IFT80: variants seen among roughly 807,000 people sequenced by gnomAD.
IFT80 encodes the protein intraflagellar transport protein 80 homolog.
A neutral mutation model predicts 107.9 loss-of-function variants in IFT80; 79 were observed. The observed-to-expected ratio is 0.73, with a 90% CI of 0.61 to 0.88. The LOEUF (loss-of-function observed/expected upper bound fraction) is 0.88, where lower values mean the gene tolerates loss of function less well. Among genes scored for constraint, IFT80 ranks in the 40% least tolerant of loss-of-function variants. The probability of loss-of-function intolerance (pLI) is 0.00; values close to 1 mark genes in which losing one functional copy is unlikely to be tolerated. For synonymous variants in IFT80, 299 were observed against 300.9 expected, an observed-to-expected ratio of 0.99 and a Z score of 0.07; for missense variants, 797 against 914.2, an observed-to-expected ratio of 0.87 and a Z score of 1.65.
intron 9 of IFT80, among the ~76,000 whole-genome samples, chr3:160,309,721 T>C (rs557818852): frequency 5.0e-4 from 76 of 152,026 alleles, no homozygotes; most frequent in African/African-American, 1.7e-3. Flanking sequence ...ACAGCGTGTA[T>C]AGTATGATAC....
At chr3:160,326,382 C>G (rs549756038) in intron 8 of IFT80, among the ~76,000 whole-genome samples, 28 of 152,080 alleles carry the variant, frequency 1.8e-4, no homozygotes, top group African/African-American at 6.7e-4. Flanking sequence ...AAAAAGAAAA[C>G]TTCAGGCCAA....
intron 14 of IFT80, among the ~76,000 whole-genome samples, 154 bp downstream of exon 14, chr3:160,282,323 CT>C (rs1714746042): frequency 6.6e-6 from 1 of 152,116 alleles, no homozygotes. Flanking sequence ...TTTTAATAAA[CT>C]TTCACTCCTA....
chr3:160,272,631 CTCTTT>C (rs567337134), intron 18 of IFT80, among the ~76,000 whole-genome samples: 6 of 152,236 alleles, frequency 3.9e-5, no homozygotes, highest in South Asian at 2.1e-4. Context: ...GCTTGCTGCT[CTCTTT>C]TCTTAAGTTT....
At chr3:160,302,520 G>C (rs1285826268) in intron 11 of IFT80, among the ~76,000 whole-genome samples, 1 of 152,030 alleles carries the variant, frequency 6.6e-6, no homozygotes, top group Non-Finnish European at 1.5e-5. Context: ...CACCCTGTTT[G>C]AAGGGGCAAA....
At chr3:160,383,335 T>G in intron 2 of IFT80, 4 of 444,468 alleles carry the variant, frequency 9.0e-6, no homozygotes, top group Non-Finnish European at 1.2e-5. Context: ...GCACATTTTT[T>G]TTGAAAAGAC....
intron 9 of IFT80, among the ~76,000 whole-genome samples, chr3:160,315,479 T>C (rs1352425193): frequency 6.6e-6 from 1 of 152,206 alleles, no homozygotes. Context: ...TGTTCTTCTA[T>C]CTTTGCAGCT....
At chr3:160,290,913 C>T (rs1235194534) in intron 12 of IFT80, among the ~76,000 whole-genome samples, 1 of 151,994 alleles carries the variant, frequency 6.6e-6, no homozygotes, top group Non-Finnish European at 1.5e-5. Context: ...ATATATTATG[C>T]GGACTGATAT....
chr3:160,352,788 A>C (rs1720807254), intron 8 of IFT80, among the ~76,000 whole-genome samples: 1 of 152,206 alleles, frequency 6.6e-6, no homozygotes, highest in Admixed American at 6.5e-5. Flanking sequence ...ATGGAAACTC[A>C]GGTAATTATT....
chr3:160,273,515 G>A (rs1435901856), intron 18 of IFT80, among the ~76,000 whole-genome samples: 1 of 152,096 alleles, frequency 6.6e-6, no homozygotes, highest in Non-Finnish European at 1.5e-5. Flanking sequence ...TTGATAATAG[G>A]GAGGGCGAAG....
intron 15 of IFT80, among the ~76,000 whole-genome samples, chr3:160,280,011 T>C (rs532839078): frequency 7.9e-5 from 12 of 152,354 alleles, no homozygotes; most frequent in Non-Finnish European, 1.3e-4. Flanking sequence ...TACGCTGTTT[T>C]ATTTTGATGC....
rs1425639091 is a variant in IFT80 at position 160,257,580 on chromosome 3, A to G, written c.*945T>C. Reference sequence around the variant, plus strand: ...AGAATCCTTCTTGCCCATTCTAGATATATTTTTTAAATTATGATAAAATAT... The same window carrying G: ...AGAATCCTTCTTGCCCATTCTAGATGTATTTTTTAAATTATGATAAAATAT... On this transcript the variant is annotated 3_prime_UTR_variant, in exon 20 of 20. Transcript: ENST00000326448. The G allele has an allele frequency of 2.0e-5, 3 of 152,168 alleles. No individual in the cohort carries two copies. The highest frequency in any genetic ancestry group is 2.0e-4 in the Admixed American group (3 of 15,268). The allele number at this position is 152,168 out of a possible 1,614,324, so 9.4% of individuals were successfully genotyped here.
At chr3:160,293,106 T>C (rs1312252136) in intron 12 of IFT80, among the ~76,000 whole-genome samples, 1 of 152,196 alleles carries the variant, frequency 6.6e-6, no homozygotes, top group African/African-American at 2.4e-5. Flanking sequence ...AAATGGGTTA[T>C]GCAATAAGTA....
chr3:160,362,150 A>T (rs1721536729), intron 6 of IFT80, among the ~76,000 whole-genome samples: 1 of 152,232 alleles, frequency 6.6e-6, no homozygotes, highest in African/African-American at 2.4e-5. Flanking sequence ...TAAAAGGAGA[A>T]GAGAGAAGAA....
At position 160,282,434 on chromosome 3, in the gene IFT80, G is replaced by A. The variant is rs184529575; in HGVS notation, c.1516+44C>T. On this transcript the variant is annotated intron_variant, in intron 14 of 19. Coordinates refer to ENST00000326448, the MANE Select transcript of IFT80 (RefSeq NM_020800.3). ...AAATTATTTATTACAGCAAATATAA[G>A]AAAGTTGACAATTAAAACTTAAAAT... is the stretch of plus-strand genomic sequence containing the variant. The A allele has an allele frequency of 1.2e-5, 16 of 1,280,462 alleles. No homozygotes were observed. In the African/African-American group the frequency reaches 2.1e-4, roughly 17 times the overall value. 79.3% of individuals were successfully genotyped at this position (1,280,462 alleles called of 1,614,324 possible).
At chr3:160,327,023 C>T (rs1718720871) in intron 8 of IFT80, among the ~76,000 whole-genome samples, 1 of 152,076 alleles carries the variant, frequency 6.6e-6, no homozygotes, top group East Asian at 1.9e-4. Context: ...CATTCCTATA[C>T]ACCAACAACA....
At chr3:160,373,310 T>G (rs1186592944) in intron 5 of IFT80, among the ~76,000 whole-genome samples, 3 of 152,224 alleles carry the variant, frequency 2.0e-5, no homozygotes, top group Admixed American at 2.0e-4. Context: ...TGTGAACATG[T>G]GCTTCCAACC....
chr3:160,380,701 A>G (rs897296706), intron 3 of IFT80, among the ~76,000 whole-genome samples: 1 of 149,756 alleles, frequency 6.7e-6, no homozygotes, highest in Non-Finnish European at 1.5e-5. Flanking sequence ...CATACCCTTA[A>G]AAAGTGAAAA....
intron 19 of IFT80, among the ~76,000 whole-genome samples, chr3:160,261,365 T>C (rs1296577177): frequency 2.0e-5 from 3 of 151,066 alleles, no homozygotes; most frequent in Admixed American, 6.6e-5. Flanking sequence ...GATTCACCAG[T>C]GAACAAAAAG....
rs757352897 is a variant in IFT80, at chr3:160,277,343, C to T, written c.2062G>A (p.Ala688Thr). The change falls in exon 18 of 20, where the codon GCA becomes ACA. Residue 688 changes from alanine to threonine, a missense_variant. Coordinates refer to ENST00000326448, the MANE Select transcript of IFT80 (RefSeq NM_020800.3). The part of the protein sequence containing the change: ...VLLQAGLVYQ[A>T]IQININLYNW... The stretch of plus-strand genomic sequence containing the variant: ...TAGAGATTAATATTGATCTGGATTG[C>T]TTGATAAACAAGGCCAGCCTGAAGA... 2.5e-6 allele frequency: 4 copies of T among 1,613,330 alleles called. No homozygotes were observed. Among genetic ancestry groups the T allele is most frequent in the Non-Finnish European group, 3.4e-6 (4 of 1,179,850 alleles).
Sources: gnomAD v4.1 joint callset for allele counts (sites outside exome capture counted in the v4.1 genomes callset) on GRCh38, gnomAD v4.1.1 for gene constraint, MANE v1.5 for transcripts, NCBI Gene and HGNC (gene_info 2026-07-23, HGNC 2026-07-21) for gene names.